OAS3: variants seen among roughly 807,000 people sequenced by gnomAD.
The protein encoded by OAS3 is 2'-5'-oligoadenylate synthetase 3, also known as 2'-5'-oligoadenylate synthase 3.
In OAS3, 107 loss-of-function variants were observed where a neutral mutation model predicts 113.0. That is an observed-to-expected ratio of 0.95 (90% CI 0.81 to 1.11). The LOEUF is 1.11. OAS3 is among the 50% of genes most tolerant of loss of function. OAS3 has a pLI of 0.00. For synonymous variants in OAS3, 552 were observed against 573.6 expected, an observed-to-expected ratio of 0.96 and a Z score of 0.54; for missense variants, 1,258 against 1,389.1, an observed-to-expected ratio of 0.91 and a Z score of 1.50.
intron 2 of OAS3, chr12:112,942,155 G>A (rs535662420): frequency 1.1e-5 from 6 of 552,458 alleles, no homozygotes; most frequent in South Asian, 8.3e-5. Flanking sequence ...AAATACTCCC[G>A]AAAGCTAAGC....
At chr12:112,955,578 C>CT (rs2043826140) in intron 7 of OAS3, among the ~76,000 whole-genome samples, 1 of 152,148 alleles carries the variant, frequency 6.6e-6, no homozygotes, top group South Asian at 2.1e-4. Context: ...TTGAAATAAT[C>CT]ATGTGGTTTT....
chr12:112,965,635 G>A (rs1249368781), intron 11 of OAS3, 109 bp from the exon 12 acceptor site: 4 of 920,932 alleles, frequency 4.3e-6, no homozygotes, highest in Non-Finnish European at 6.4e-6. Flanking sequence ...AACACAGAGA[G>A]GTTAGATGAC....
At position 112,938,653 on chromosome 12, in the gene OAS3, G is replaced by A; in HGVS notation, c.123G>A (p.Arg41=). 1.3e-6 allele frequency: 2 copies of A among 1,596,740 alleles called. No individual in the cohort carries two copies. Among genetic ancestry groups the A allele is most frequent in the African/African-American group, 1.3e-5 (1 of 74,668 alleles). The change falls in exon 1 of 16, where the codon AGG becomes AGA. Residue 41 remains arginine, a synonymous_variant. Transcript: ENST00000228928. The stretch of plus-strand genomic sequence containing the variant: ...TGGGCGCCCTGGCCGCTGCCCTGAG[G>A]GAGCGCGGGGGCCGCCTCGGTGCTG... The part of the protein sequence containing the change: ...RALGALAAAL[R]ERGGRLGAAA...
rs1565978296 is a variant in OAS3, at chr12:112,954,481, A to T, written c.1657+3506A>T. On this transcript the variant is annotated intron_variant, in intron 7 of 15. Coordinates refer to ENST00000228928, the MANE Select transcript of OAS3 (RefSeq NM_006187.4). The surrounding 1 kb of genome is among the most constrained non-coding windows in gnomAD (Gnocchi z 4.0). Reference sequence around the variant, plus strand: ...AATTTTTTTGTATTTTTTAGTAGAGACAGACAGGGTTTCACCATGTTAGCC... The same window carrying T: ...AATTTTTTTGTATTTTTTAGTAGAGTCAGACAGGGTTTCACCATGTTAGCC... Among the ~76,000 whole-genome samples the T allele has an allele frequency of 6.6e-6, 1 of 152,088 alleles. No individual in the cohort carries two copies. Among genetic ancestry groups the T allele is most frequent in the African/African-American group, 2.4e-5 (1 of 41,418 alleles).
At chr12:112,939,520 C>T (rs1171223879) in intron 1 of OAS3, among the ~76,000 whole-genome samples, 1 of 151,998 alleles carries the variant, frequency 6.6e-6, no homozygotes, top group Non-Finnish European at 1.5e-5. Flanking sequence ...AGAGTTTTGC[C>T]GTGTTGCCCA....
At chr12:112,964,547 C>T in intron 11 of OAS3, 139 bp downstream of exon 11, 1 of 873,972 alleles carries the variant, frequency 1.1e-6, no homozygotes, top group Non-Finnish European at 1.7e-6. Context: ...GGAAAGTGGT[C>T]ATGGGAGGAT....
Position 112,964,294 on chromosome 12 carries a change from C to G in OAS3, c.2289C>G (p.Leu763=). The change falls in exon 11 of 16, where the codon CTC becomes CTG. Residue 763 remains leucine, a synonymous_variant. Coordinates refer to ENST00000228928, the MANE Select transcript of OAS3 (RefSeq NM_006187.4). ...TTGACAAGTTCATCAGTGAATTTCTCCAGCCCAACCGCCAGTTCCTGGCCC... is the reference window on the plus strand; with the variant it reads ...TTGACAAGTTCATCAGTGAATTTCTGCAGCCCAACCGCCAGTTCCTGGCCC... ...GDLDKFISEF[L]QPNRQFLAQV... is the part of the protein sequence containing the mutation. 1 of 1,605,976 alleles carries G rather than the reference C, an allele frequency of 6.2e-7. No individual in the cohort carries two copies. Among genetic ancestry groups the G allele is most frequent in the Non-Finnish European group, 8.5e-7 (1 of 1,175,942 alleles).
In OAS3 at chr12:112,963,134, AC is replaced by A. The variant is rs537850982; in HGVS notation, c.2085-176del. Among the ~76,000 whole-genome samples the A allele has an allele frequency of 4.6e-5, 7 of 152,326 alleles. No homozygotes were observed. The South Asian group carries it at 1.4e-3, about 32-fold the overall frequency. On this transcript the variant is annotated intron_variant, in intron 9 of 15. Coordinates refer to ENST00000228928, the MANE Select transcript of OAS3 (RefSeq NM_006187.4). The surrounding 1 kb of genome is among the most constrained non-coding windows in gnomAD (Gnocchi z 4.6). ...ATAGTATTTCTCAGTTGAAGGGGCCACCCAATAGCTTTCCAACCAAGGCAGC... is the reference window on the plus strand; with the variant it reads ...ATAGTATTTCTCAGTTGAAGGGGCCACCAATAGCTTTCCAACCAAGGCAGC...
rs1306213361 is a variant in OAS3 at position 112,941,714 on chromosome 12, TG to T, written c.324del (p.Trp108CysfsTer9). ...TGAGATGCGGGCATCGCTGGAATCC[TG>T]GTGGCAGAACCCAGTCCCTGGTCTG... ...LSEMRASLES[W>X]WQNPVPGLRL... is the part of the protein sequence containing the mutation. On this transcript the variant is annotated frameshift_variant, in exon 2 of 16. Coordinates refer to ENST00000228928, the MANE Select transcript of OAS3 (RefSeq NM_006187.4). LOFTEE classifies it high-confidence loss of function. 2 of 1,614,060 alleles carry T rather than the reference TG, an allele frequency of 1.2e-6. No homozygotes were observed. Among genetic ancestry groups the T allele is most frequent in the Non-Finnish European group, 1.7e-6 (2 of 1,179,896 alleles).
In OAS3 at chr12:112,950,767, C is replaced by G. The variant is rs547152798; in HGVS notation, c.1449C>G (p.Phe483Leu). The change falls in exon 7 of 16, where the codon TTC (phenylalanine) becomes TTG (leucine). Residue 483 changes from phenylalanine (F) to leucine (L), a missense_variant. Physicochemically the swap from Phe to Leu is conservative, Grantham distance 22. Transcript: ENST00000228928. ...DVELIIFLNC[F>L]TDYKDQGPRR... is the part of the protein sequence containing the mutation. ...AACTCATCATCTTCCTCAACTGCTTCACGGACTACAAGGACCAGGGGCCCC... is the reference window on the plus strand; with the variant it reads ...AACTCATCATCTTCCTCAACTGCTTGACGGACTACAAGGACCAGGGGCCCC... 14 of 1,614,046 alleles carry G rather than the reference C, an allele frequency of 8.7e-6. No homozygotes were observed. The African/African-American group carries it at 1.5e-4, about 17-fold the overall frequency.
In OAS3 at chr12:112,941,621, C is replaced by G. The variant is rs1200396276; in HGVS notation, c.229C>G (p.Leu77Val). The G allele has an allele frequency of 2.5e-6, 4 of 1,613,948 alleles. No homozygotes were observed. The African/African-American group carries it at 5.3e-5, about 22-fold the overall frequency. ...TALKGGCDSE[L>V]VIFLDCFKSY... Reference sequence around the variant, plus strand: ...TCTCAAGGGTGGCTGTGATTCTGAACTTGTCATCTTCCTCGACTGCTTCAA... The same window carrying G: ...TCTCAAGGGTGGCTGTGATTCTGAAGTTGTCATCTTCCTCGACTGCTTCAA... The change falls in exon 2 of 16, where the codon CTT (leucine) becomes GTT (valine). Residue 77 changes from leucine to valine, a missense_variant. Transcript: ENST00000228928.
intron 7 of OAS3, among the ~76,000 whole-genome samples, chr12:112,951,632 A>T (rs1406345593): frequency 6.6e-6 from 1 of 152,058 alleles, no homozygotes; most frequent in Non-Finnish European, 1.5e-5. Flanking sequence ...GTAGTCAGAA[A>T]ACATACTTTA....
chr12:112,960,772 G>T (rs2043875835), intron 7 of OAS3, among the ~76,000 whole-genome samples: 1 of 151,964 alleles, frequency 6.6e-6, no homozygotes, highest in Non-Finnish European at 1.5e-5. Flanking sequence ...AGCTTTTCTG[G>T]CTCAAGATTA....
rs2043910537 is a variant in OAS3 at position 112,963,811 on chromosome 12, C to A, written c.2229+354C>A. 6.6e-6 allele frequency among the ~76,000 whole-genome samples: 1 copy of A among 152,218 alleles called. No homozygotes were observed. The highest frequency in any genetic ancestry group is 2.4e-5 in the African/African-American group (1 of 41,454). ...GCCCTCTGCTGCTGTCCTTGTTCCA[C>A]TTCTCCTCCAAGCACTGCCCCAATT... is the stretch of plus-strand genomic sequence containing the variant. On this transcript the variant is annotated intron_variant, in intron 10 of 15. Coordinates refer to ENST00000228928, the MANE Select transcript of OAS3 (RefSeq NM_006187.4). The surrounding 1 kb of genome is among the most constrained non-coding windows in gnomAD (Gnocchi z 4.6).
Position 112,941,673 on chromosome 12 carries a change from G to T in OAS3, c.281G>T (p.Arg94Leu). 6.2e-7 allele frequency: 1 copy of T among 1,614,048 alleles called. No individual in the cohort carries two copies. Among genetic ancestry groups the T allele is most frequent in the Non-Finnish European group, 8.5e-7 (1 of 1,179,896 alleles). ...FKSYVDQRAR[R>L]AEILSEMRAS... is the part of the protein sequence containing the mutation. ...AGCTATGTGGACCAGAGGGCCCGCC[G>T]TGCAGAGATCCTCAGTGAGATGCGG... is the stretch of plus-strand genomic sequence containing the variant. Residue 94 changes from arginine to leucine, a missense_variant, in exon 2 of 16, where the codon CGT (arginine) becomes CTT (leucine). Physicochemically the swap from Arg to Leu is moderately radical, Grantham distance 102. Transcript: ENST00000228928.
chr12:112,961,247 G>A lies in OAS3; in HGVS notation c.1833+1G>A. ...GCTGGTGAAGCACTGGTACCGCCAG[G>A]TGAGTTGCCCCTGGCTCCTCCCAGG... On this transcript the variant is annotated splice_donor_variant, in intron 8 of 15. Transcript: ENST00000228928. LOFTEE classifies it high-confidence loss of function. 4 of 1,613,158 alleles carry A rather than the reference G, an allele frequency of 2.5e-6. No individual in the cohort carries two copies. The highest frequency in any genetic ancestry group is 3.4e-6 in the Non-Finnish European group (4 of 1,179,356).
rs1030092655 is a variant in OAS3, at chr12:112,954,115, G to A, written c.1657+3140G>A. Among the ~76,000 whole-genome samples, 33 of 152,226 alleles carry A rather than the reference G, an allele frequency of 2.2e-4. 1 individual carries two copies. The highest frequency in any genetic ancestry group is 7.9e-4 in the African/African-American group (33 of 41,530). On this transcript the variant is annotated intron_variant, in intron 7 of 15. Coordinates refer to ENST00000228928, the MANE Select transcript of OAS3 (RefSeq NM_006187.4). This position sits in a 1 kb window ranked among gnomAD's most constrained non-coding sequence, Gnocchi z 4.0. ...CTAGGTTTTCTTCTAGGGTTTTTAT[G>A]GTTTTAGGTCTAAGATGTAAGTCTT...
At chr12:112,938,902 G>T (rs538990508) in intron 1 of OAS3, among the ~76,000 whole-genome samples, 195 bp downstream of exon 1, 2 of 152,310 alleles carry the variant, frequency 1.3e-5, no homozygotes, top group Non-Finnish European at 2.9e-5. Flanking sequence ...TCTTAAGCCC[G>T]CTTGACAGAT....
At chr12:112,957,475 G>C (rs1219996409) in intron 7 of OAS3, among the ~76,000 whole-genome samples, 1 of 152,276 alleles carries the variant, frequency 6.6e-6, no homozygotes, top group South Asian at 2.1e-4. Flanking sequence ...GGCTGGTACC[G>C]ATTGTTCCTT....
Sources: gnomAD v4.1 joint callset for allele counts (sites outside exome capture counted in the v4.1 genomes callset) on GRCh38, gnomAD v4.1.1 for gene constraint, Gnocchi (gnomAD v3.1) non-coding constraint, MANE v1.5 for transcripts, NCBI Gene and HGNC (gene_info 2026-07-23, HGNC 2026-07-21) for gene names.